WDR70: variants seen among roughly 807,000 people sequenced by gnomAD.
The protein encoded by WDR70 is WD repeat-containing protein 70.
Under a neutral mutation model 88.6 loss-of-function variants are expected in WDR70, and 53 were observed. That is an observed-to-expected ratio of 0.60 (90% confidence interval 0.48 to 0.75). WDR70 has a LOEUF of 0.75. Ranked by LOEUF, WDR70 falls within the 30% of genes least tolerant of loss-of-function variation. The pLI is 0.00. For synonymous variants in WDR70, 280 were observed against 270.0 expected (o/e 1.04, Z -0.36); for missense variants, 610 against 823.2 (o/e 0.74, Z 3.17).
At chr5:37,583,990 A>C (rs1412481222) in intron 9 of WDR70, among the ~76,000 whole-genome samples, 2 of 152,216 alleles carry the variant, frequency 1.3e-5, no homozygotes. Context: ...ATGGATTCAT[A>C]TAGACAGGAC....
intron 10 of WDR70, among the ~76,000 whole-genome samples, chr5:37,670,793 T>C (rs1316227582): frequency 2.6e-5 from 4 of 152,196 alleles, no homozygotes; most frequent in Admixed American, 2.0e-4. Context: ...TATTTTGTTA[T>C]CCATTTTCCC....
At chr5:37,668,073 G>GCAAAA (rs1167846466) in intron 10 of WDR70, among the ~76,000 whole-genome samples, 6 of 151,992 alleles carry the variant, frequency 3.9e-5, no homozygotes, top group African/African-American at 1.2e-4. Context: ...AACAAACAAA[G>GCAAAA]CAAAACAAAA....
intron 10 of WDR70, among the ~76,000 whole-genome samples, chr5:37,667,571 T>C (rs1460670517): frequency 1.3e-5 from 2 of 152,198 alleles, no homozygotes; most frequent in African/African-American, 4.8e-5. Context: ...AGTGAGCTAA[T>C]TGTGGGCCAA....
intron 13 of WDR70, among the ~76,000 whole-genome samples, chr5:37,715,891 G>A (rs528959328): frequency 1.9e-4 from 29 of 151,652 alleles, no homozygotes; most frequent in Middle Eastern, 3.4e-3. Context: ...TTCTTTCTTA[G>A]TGTCTGGAAT....
In WDR70 at chr5:37,703,087, G is replaced by A. The variant is rs751354291; in HGVS notation, c.1416G>A (p.Ala472=). The change falls in exon 13 of 18, where the codon GCG becomes GCA. Residue 472 remains alanine (A), a splice_region_variant and synonymous_variant. Transcript: ENST00000265107. The part of the protein sequence containing the change: ...QRVYEIDITD[A]SVVRCLWHPK... ...TGTATGAAATAGACATCACAGATGC[G>A]GTACGTATATTCTTTTCTCCTCAGC... is the stretch of plus-strand genomic sequence containing the variant. The A allele has an allele frequency of 2.5e-6, 4 of 1,606,776 alleles. No homozygotes were observed. Among genetic ancestry groups the A allele is most frequent in the Non-Finnish European group, 3.4e-6 (4 of 1,174,046 alleles).
At chr5:37,723,798 G>A (rs770100895) in intron 15 of WDR70, 2 of 152,080 alleles carry the variant, frequency 1.3e-5, no homozygotes, top group African/African-American at 4.8e-5. Flanking sequence ...AATTACATGC[G>A]GCCTACTTAA....
At chr5:37,679,689 A>G (rs959383745) in intron 10 of WDR70, among the ~76,000 whole-genome samples, 1 of 152,180 alleles carries the variant, frequency 6.6e-6, no homozygotes, top group African/African-American at 2.4e-5. Context: ...GGGATCAGGC[A>G]CCCACTTGAG....
At chr5:37,472,336 A>G (rs775829745) in intron 7 of WDR70, among the ~76,000 whole-genome samples, 11 of 151,936 alleles carry the variant, frequency 7.2e-5, no homozygotes, top group Non-Finnish European at 1.2e-4. Context: ...TATTGCCATA[A>G]TATTTTCCTA....
chr5:37,575,022 A>G (rs554480671), intron 9 of WDR70, among the ~76,000 whole-genome samples: 1 of 152,258 alleles, frequency 6.6e-6, no homozygotes, highest in South Asian at 2.1e-4. Flanking sequence ...TTGCCTTCCC[A>G]GAATCCCCTA....
intron 5 of WDR70, 138 bp downstream of exon 5, chr5:37,396,708 G>GT: frequency 7.4e-7 from 1 of 1,360,156 alleles, no homozygotes; most frequent in Non-Finnish European, 9.6e-7. Context: ...CTTAACACCT[G>GT]TAATCCCAGT....
chr5:37,522,470 CAAA>C (rs1209419601), intron 9 of WDR70, among the ~76,000 whole-genome samples: 1 of 41,360 alleles, frequency 2.4e-5, no homozygotes, highest in Non-Finnish European at 5.1e-5. Flanking sequence ...GACTCTGTCT[CAAA>C]AAAAAAAAAA....
intron 17 of WDR70, among the ~76,000 whole-genome samples, chr5:37,734,715 G>A (rs1043947561): frequency 2.0e-5 from 3 of 152,048 alleles, no homozygotes; most frequent in Non-Finnish European, 4.4e-5. Context: ...TGACCTGAGT[G>A]AAATGAGGGA....
At position 37,433,142 on chromosome 5, in the gene WDR70, C is replaced by T. The variant is rs115553953; in HGVS notation, c.493-4780C>T. 1.3e-3 allele frequency among the ~76,000 whole-genome samples: 193 copies of T among 151,972 alleles called. 1 individual carries two copies. Among genetic ancestry groups the T allele is most frequent in the African/African-American group, 4.5e-3 (188 of 41,430 alleles). ...GTGGCACGATCTTGGCTCATTGCAA[C>T]CCTCACCTCCTAGGTTCAAGCAATT... On this transcript the variant is annotated intron_variant, in intron 5 of 17. Coordinates refer to ENST00000265107, the MANE Select transcript of WDR70 (RefSeq NM_018034.4).
At chr5:37,412,816 T>A (rs1749566088) in intron 5 of WDR70, among the ~76,000 whole-genome samples, 1 of 152,192 alleles carries the variant, frequency 6.6e-6, no homozygotes, top group South Asian at 2.1e-4. Flanking sequence ...GCTGAAGAAT[T>A]CAAAGCGGGA....
chr5:37,501,448 A>C lies in WDR70; in HGVS notation c.841-15066A>C, dbSNP rs181315159. Among the ~76,000 whole-genome samples the C allele has an allele frequency of 1.6e-3, 238 of 152,284 alleles. 2 individuals are homozygous for C. The highest frequency in any genetic ancestry group is 5.5e-3 in the African/African-American group (230 of 41,566). On this transcript the variant is annotated intron_variant, in intron 8 of 17. Coordinates refer to ENST00000265107, the MANE Select transcript of WDR70 (RefSeq NM_018034.4). ...GCTTCCTTGGGCCACATTGGAAAAAAAAGAATTGTCTTGGGACACACATAA... is the reference window on the plus strand; with the variant it reads ...GCTTCCTTGGGCCACATTGGAAAAACAAGAATTGTCTTGGGACACACATAA...
At chr5:37,587,138 A>G (rs951478534) in intron 9 of WDR70, among the ~76,000 whole-genome samples, 1 of 152,030 alleles carries the variant, frequency 6.6e-6, no homozygotes, top group African/African-American at 2.4e-5. Context: ...CTGCCATCCA[A>G]GTGATTTTCT....
Position 37,497,203 on chromosome 5 carries a change from G to GTCCTCCCTCCA in WDR70, c.840+17223_840+17233dup, listed in dbSNP as rs1430351630. Reference sequence around the variant, plus strand: ...CCTTCCCCCCTCACTCCCTGCCTCCGTCCTCCCTCCATCCTCCTCCGTCCT... The same window carrying GTCCTCCCTCCA: ...CCTTCCCCCCTCACTCCCTGCCTCCGTCCTCCCTCCATCCTCCCTCCATCCTCCTCCGTCCT... On this transcript the variant is annotated intron_variant, in intron 8 of 17. Coordinates refer to ENST00000265107, the MANE Select transcript of WDR70 (RefSeq NM_018034.4). 3.0e-5 allele frequency among the ~76,000 whole-genome samples: 3 copies of GTCCTCCCTCCA among 98,480 alleles called. No individual in the cohort carries two copies. In the East Asian group the frequency reaches 9.7e-4, roughly 32 times the overall value. 64.6% of individuals were successfully genotyped at this position (98,480 alleles called of 152,430 possible).
At chr5:37,638,762 A>T (rs1745035474) in intron 10 of WDR70, among the ~76,000 whole-genome samples, 1 of 152,186 alleles carries the variant, frequency 6.6e-6, no homozygotes, top group South Asian at 2.1e-4. Context: ...TAACTCTGTT[A>T]TTGACAGTTA....
intron 7 of WDR70, among the ~76,000 whole-genome samples, chr5:37,470,609 A>G (rs1342075970): frequency 2.0e-5 from 3 of 152,158 alleles, no homozygotes. Context: ...GGCTTCTTTC[A>G]CTTGATTATA....
Sources: gnomAD v4.1 joint callset for allele counts (sites outside exome capture counted in the v4.1 genomes callset) on GRCh38, gnomAD v4.1.1 for gene constraint, MANE v1.5 for transcripts, NCBI Gene and HGNC (gene_info 2026-07-23, HGNC 2026-07-21) for gene names.